The following SNAP23 variants were observed in gnomAD, a reference collection of about 807,000 sequenced individuals.
The protein encoded by SNAP23 is synaptosomal-associated protein 23.
In SNAP23, 11 loss-of-function variants were observed where a neutral mutation model predicts 29.0. The observed-to-expected ratio is 0.38, with a 90% CI of 0.24 to 0.63. SNAP23 has a LOEUF of 0.63. SNAP23 is among the 20% of genes least tolerant of loss of function. The pLI is 0.58. For synonymous variants in SNAP23, 60 were observed against 82.9 expected (o/e 0.72, Z 1.50); for missense variants, 220 against 253.9 (o/e 0.87, Z 0.91).
At chr15:42,501,240 T>C (rs2057267355) in intron 1 of SNAP23, among the ~76,000 whole-genome samples, 1 of 152,170 alleles carries the variant, frequency 6.6e-6, no homozygotes, top group Non-Finnish European at 1.5e-5. Context: ...TCCCCTGCCC[T>C]CCATACATAC....
intron 3 of SNAP23, 179 bp from the exon 4 acceptor site, chr15:42,513,220 T>C (rs908238352): frequency 1.1e-5 from 8 of 754,420 alleles, no homozygotes; most frequent in Non-Finnish European, 1.9e-5. Context: ...GTTTGTGACT[T>C]AATTATTTTG....
At chr15:42,518,857 T>C (rs935261236) in intron 5 of SNAP23, among the ~76,000 whole-genome samples, 2 of 152,140 alleles carry the variant, frequency 1.3e-5, no homozygotes, top group East Asian at 3.9e-4. Context: ...TATTAATTGG[T>C]TTCACTACAG....
intron 1 of SNAP23, among the ~76,000 whole-genome samples, chr15:42,498,469 G>A (rs1046667449): frequency 2.6e-5 from 4 of 152,202 alleles, no homozygotes; most frequent in Non-Finnish European, 4.4e-5. Context: ...GCTGTACCTT[G>A]ACCCCTTTTA....
intron 1 of SNAP23, among the ~76,000 whole-genome samples, chr15:42,499,069 CAT>C (rs2057246722): frequency 6.6e-6 from 1 of 151,176 alleles, no homozygotes; most frequent in Non-Finnish European, 1.5e-5. Context: ...CTAAAGGTCA[CAT>C]CTTTTTTTTT....
chr15:42,522,110 G>C (rs2057454075), intron 5 of SNAP23: 1 of 152,724 alleles, frequency 6.5e-6, no homozygotes, highest in Non-Finnish European at 1.5e-5. Flanking sequence ...TCTGGTTCTT[G>C]AGTCAAGATT....
chr15:42,527,388 TTTTA>T (rs929321264), intron 5 of SNAP23, among the ~76,000 whole-genome samples: 5 of 151,926 alleles, frequency 3.3e-5, no homozygotes, highest in Admixed American at 2.0e-4. Context: ...TATTTTAAAA[TTTTA>T]TTTATTTATT....
intron 5 of SNAP23, 151 bp downstream of exon 5, chr15:42,515,505 G>T (rs1050529110): frequency 1.0e-5 from 6 of 578,528 alleles, no homozygotes; most frequent in Non-Finnish European, 1.8e-5. Context: ...TAAGCTTTTT[G>T]TGTAAATACT....
chr15:42,501,152 A>G (rs193025483), intron 1 of SNAP23, among the ~76,000 whole-genome samples: 1 of 152,182 alleles, frequency 6.6e-6, no homozygotes, highest in Non-Finnish European at 1.5e-5. Context: ...CAACCTAGGC[A>G]GCATAGCAAA....
chr15:42,526,771 G>A (rs1009528910), intron 5 of SNAP23, among the ~76,000 whole-genome samples: 4 of 151,462 alleles, frequency 2.6e-5, no homozygotes, highest in Admixed American at 6.6e-5. Context: ...TCACTTTTCC[G>A]TAACAGCCAT....
chr15:42,511,700 T>C (rs910958598), intron 1 of SNAP23, 133 bp from the exon 2 acceptor site: 6 of 459,556 alleles, frequency 1.3e-5, no homozygotes, highest in African/African-American at 2.0e-5. Context: ...CTAATAGATA[T>C]AGAAAGAGGT....
intron 5 of SNAP23, among the ~76,000 whole-genome samples, chr15:42,519,381 T>TC (rs978675545): frequency 6.6e-6 from 1 of 150,798 alleles, no homozygotes; most frequent in African/African-American, 2.4e-5. Context: ...CTTTTTCTTT[T>TC]TTTTTTTTGA....
Position 42,530,395 on chromosome 15 carries a change from C to T in SNAP23, c.570+576C>T, listed in dbSNP as rs2057552244. 2.6e-5 allele frequency among the ~76,000 whole-genome samples: 4 copies of T among 151,840 alleles called. No homozygotes were observed. The South Asian group carries it at 8.3e-4, about 31-fold the overall frequency. ...AAGAAAGTTGTGATTCTTTTTTTTC[C>T]CCCTTAACTTTACATGATATAAATA... On this transcript the variant is annotated intron_variant, in intron 7 of 7. Transcript: ENST00000249647.
At chr15:42,494,339 T>G (rs1383684499), upstream of SNAP23, among the ~76,000 whole-genome samples, 1 of 151,868 alleles carries the variant, frequency 6.6e-6, no homozygotes, top group Non-Finnish European at 1.5e-5. Flanking sequence ...AAAAAACATT[T>G]CTCAGGCTTC....
chr15:42,511,846 C>T lies in SNAP23; in HGVS notation c.-1C>T. ...TGTGCCTAATAGAGTTTTGATTCAT[C>T]ATGGATAATCTGTCATCAGAAGAAA... On this transcript the variant is annotated 5_prime_UTR_variant, in exon 2 of 8. Coordinates refer to ENST00000249647, the MANE Select transcript of SNAP23 (RefSeq NM_003825.4). 2 of 1,582,998 alleles carry T rather than the reference C, an allele frequency of 1.3e-6. No homozygotes were observed. Among genetic ancestry groups the T allele is most frequent in the Non-Finnish European group, 1.7e-6 (2 of 1,161,800 alleles).
chr15:42,496,827 A>G (rs893863889), intron 1 of SNAP23, among the ~76,000 whole-genome samples: 1 of 152,116 alleles, frequency 6.6e-6, no homozygotes, highest in Non-Finnish European at 1.5e-5. Flanking sequence ...GAAACTTATA[A>G]TCATGGTGGA....
rs1329388503 is a variant in SNAP23, at chr15:42,528,249, G to A, written c.267-13G>A. ...TTTTTTGGTATCTCCCTACACTCCT[G>A]ACTCTTATATAGAACAAAGAACTTT... is the stretch of plus-strand genomic sequence containing the variant. On this transcript the variant is annotated splice_polypyrimidine_tract_variant and intron_variant, in intron 5 of 7. Coordinates refer to ENST00000249647, the MANE Select transcript of SNAP23 (RefSeq NM_003825.4). 1 of 1,612,736 alleles carries A rather than the reference G, an allele frequency of 6.2e-7. No individual in the cohort carries two copies. Among genetic ancestry groups the A allele is most frequent in the Non-Finnish European group, 8.5e-7 (1 of 1,178,988 alleles).
At chr15:42,510,835 C>A (rs1004508535) in intron 1 of SNAP23, among the ~76,000 whole-genome samples, 1 of 152,038 alleles carries the variant, frequency 6.6e-6, no homozygotes, top group Non-Finnish European at 1.5e-5. Context: ...GGATGTTAAG[C>A]AGTTTCCCTG....
upstream of SNAP23, among the ~76,000 whole-genome samples, chr15:42,493,662 G>A (rs149072937): frequency 6.3e-4 from 96 of 151,998 alleles, no homozygotes; most frequent in East Asian, 0.018. Context: ...GTTCATTTTT[G>A]CCCATATTAA....
intron 7 of SNAP23, 44 bp downstream of exon 7, chr15:42,529,863 A>G: frequency 6.3e-7 from 1 of 1,596,200 alleles, no homozygotes; most frequent in South Asian, 1.1e-5. Flanking sequence ...CACCCAGTTC[A>G]GTGTTTCAGT....
Sources: allele counts gnomAD v4.1 joint callset (sites outside exome capture counted in the v4.1 genomes callset), GRCh38; gene constraint gnomAD v4.1.1; transcripts MANE v1.5; gene names NCBI Gene and HGNC (gene_info 2026-07-23, HGNC 2026-07-21).